PIK3CD: variants seen among roughly 807,000 people sequenced by gnomAD.
PIK3CD encodes phosphatidylinositol-4,5-bisphosphate 3-kinase catalytic subunit delta, also known as phosphatidylinositol 4,5-bisphosphate 3-kinase catalytic subunit delta isoform.
In PIK3CD, 20 loss-of-function variants were observed where a neutral mutation model predicts 122.9. The observed-to-expected ratio is 0.16, with a 90% CI of 0.11 to 0.24. The LOEUF is 0.24. PIK3CD is among the 10% of genes least tolerant of loss of function. PIK3CD has a pLI of 1.00. For synonymous variants in PIK3CD, 596 were observed against 593.4 expected, an observed-to-expected ratio of 1.00 and a Z score of -0.06; for missense variants, 787 against 1,406.3, an observed-to-expected ratio of 0.56 and a Z score of 7.04.
At chr1:9,696,426 G>A in intron 2 of PIK3CD, among the ~76,000 whole-genome samples, 1 of 151,248 alleles carries the variant, frequency 6.6e-6, no homozygotes, top group East Asian at 2.0e-4. Flanking sequence ...ATCTCTACAA[G>A]AAATAATAAT....
At chr1:9,638,107 A>AAAATAAATAAAT in the PIK3CD span, among the ~76,000 whole-genome samples, 588 of 151,664 alleles carry the variant, frequency 3.9e-3, 5 homozygotes, top group African/African-American at 0.013. Context: ...ACTCTGTCTC[A>AAAATAAATAAAT]AAATAAATAA....
At position 9,700,993 on chromosome 1, in the gene PIK3CD, G is replaced by A. The variant is rs1484691363; in HGVS notation, c.-33+9422G>A. Among the ~76,000 whole-genome samples the A allele has an allele frequency of 6.6e-6, 1 of 152,022 alleles. No individual in the cohort carries two copies. Among genetic ancestry groups the A allele is most frequent in the African/African-American group, 2.4e-5 (1 of 41,384 alleles). On this transcript the variant is annotated intron_variant, in intron 2 of 23. Coordinates refer to ENST00000377346, the MANE Select transcript of PIK3CD (RefSeq NM_005026.5). This position sits in a 1 kb window ranked among gnomAD's most constrained non-coding sequence, Gnocchi z 5.1. ...TTAGTGGCACCGGCCTCCTTCCCCTGCCCCCTACTCCCCTTCCTCCCTGCT... is the reference window on the plus strand; with the variant it reads ...TTAGTGGCACCGGCCTCCTTCCCCTACCCCCTACTCCCCTTCCTCCCTGCT...
At chr1:9,690,087 C>T (rs1226811614) in intron 1 of PIK3CD, among the ~76,000 whole-genome samples, 2 of 152,170 alleles carry the variant, frequency 1.3e-5, no homozygotes, top group Non-Finnish European at 2.9e-5. Context: ...GTTTACTTGT[C>T]GGGGACCCAG....
rs1227067335 is a variant in PIK3CD at position 9,726,230 on chromosome 1, CG to C, written c.2998-676del. ...TCTGTCTCAAAAAGAAAAAATTGGC[CG>C]GGCACGATGGCTCAGGCCTGTAAAC... On this transcript the variant is annotated intron_variant, in intron 23 of 23. Transcript: ENST00000377346. Among the ~76,000 whole-genome samples, 8 of 151,692 alleles carry C rather than the reference CG, an allele frequency of 5.3e-5. No individual in the cohort carries two copies. In the South Asian group the frequency reaches 1.2e-3, roughly 24 times the overall value.
upstream of PIK3CD, among the ~76,000 whole-genome samples, chr1:9,651,564 T>C (rs1644670765): frequency 6.6e-6 from 1 of 152,168 alleles, no homozygotes; most frequent in Non-Finnish European, 1.5e-5. Flanking sequence ...GATGCCCCTC[T>C]AGCGGTAGGC....
At position 9,720,151 on chromosome 1, in the gene PIK3CD, G is replaced by T. The variant is rs373779625; in HGVS notation, c.1379G>T (p.Arg460Leu). 2 of 1,613,202 alleles carry T rather than the reference G, an allele frequency of 1.2e-6. No individual in the cohort carries two copies. The highest frequency in any genetic ancestry group is 1.7e-5 in the Admixed American group (1 of 60,024). The change falls in exon 11 of 24, where the codon CGC becomes CTC. Residue 460 changes from arginine (R) to leucine (L), a missense_variant. This residue lies in a region of PIK3CD where 592 missense variants were observed against 920.6 expected (regional missense o/e 0.64). Coordinates refer to ENST00000377346, the MANE Select transcript of PIK3CD (RefSeq NM_005026.5). This position sits in a 1 kb window ranked among gnomAD's most constrained non-coding sequence, Gnocchi z 9.0. ...GELLNPTGTV[R>L]SNPNTDSAAA... is the part of the protein sequence containing the mutation. ...CTGCTGAACCCCACGGGCACTGTGCGCAGTAACCCCAACACGGATAGCGCC... is the reference window on the plus strand; with the variant it reads ...CTGCTGAACCCCACGGGCACTGTGCTCAGTAACCCCAACACGGATAGCGCC...
At chr1:9,681,147 CAG>C (rs376844006) in intron 1 of PIK3CD, 24 of 145,826 alleles carry the variant, frequency 1.6e-4, no homozygotes, top group Admixed American at 3.5e-4. Flanking sequence ...TGGAGAGAGA[CAG>C]AGAGAGAGAG....
the PIK3CD span, among the ~76,000 whole-genome samples, chr1:9,634,980 TG>T: frequency 6.6e-6 from 1 of 152,096 alleles, no homozygotes; most frequent in African/African-American, 2.4e-5. Flanking sequence ...ACATTGAACT[TG>T]GGTGTCCTTA....
chr1:9,691,921 A>G (rs1222101388), intron 2 of PIK3CD: 1 of 186,616 alleles, frequency 5.4e-6, no homozygotes, highest in African/African-American at 2.3e-5. Flanking sequence ...CTGGGGAGAG[A>G]AATATTAAAA....
intron 2 of PIK3CD, among the ~76,000 whole-genome samples, chr1:9,698,620 A>G (rs886774832): frequency 6.6e-5 from 10 of 152,216 alleles, no homozygotes; most frequent in African/African-American, 2.2e-4. Flanking sequence ...ACTTTCACAA[A>G]CAATACCACA....
Position 9,724,703 on chromosome 1 carries a change from G to C in PIK3CD, c.2865-101G>C. The C allele has an allele frequency of 6.8e-6, 10 of 1,471,436 alleles. No homozygotes were observed. Among genetic ancestry groups the C allele is most frequent in the Non-Finnish European group, 9.5e-6 (10 of 1,053,170 alleles). The allele number at this position is 1,471,436 out of a possible 1,614,324, so 91.1% of individuals were successfully genotyped here. A position where few individuals can be genotyped will look rare whatever the true frequency, so the allele number is the denominator to read the frequency against. ...TGTGTCCACCCATTATCAGGGCAAGGGCAGGTGTCCTTGGGGAAGGGGCTG... is the reference window on the plus strand; with the variant it reads ...TGTGTCCACCCATTATCAGGGCAAGCGCAGGTGTCCTTGGGGAAGGGGCTG... On this transcript the variant is annotated intron_variant, in intron 22 of 23. Coordinates refer to ENST00000377346, the MANE Select transcript of PIK3CD (RefSeq NM_005026.5). This position sits in a 1 kb window ranked among gnomAD's most constrained non-coding sequence, Gnocchi z 7.3.
chr1:9,682,420 G>A (rs993233543), intron 1 of PIK3CD, among the ~76,000 whole-genome samples: 1 of 151,118 alleles, frequency 6.6e-6, no homozygotes, highest in African/African-American at 2.4e-5. Flanking sequence ...GTATTTTTAG[G>A]AGAGACGAAG....
At chr1:9,701,554 T>C (rs1203074902) in intron 2 of PIK3CD, among the ~76,000 whole-genome samples, 1 of 151,660 alleles carries the variant, frequency 6.6e-6, no homozygotes, top group Non-Finnish European at 1.5e-5. Context: ...ACACCTGTAA[T>C]TCCACTTACG....
At chr1:9,701,668 C>CA (rs1163030937) in intron 2 of PIK3CD, among the ~76,000 whole-genome samples, 2,074 of 78,586 alleles carry the variant, frequency 0.026, 59 homozygotes, top group African/African-American at 0.075. Flanking sequence ...GACTCTGTCT[C>CA]AAAAAAAAAA....
At chr1:9,653,641 T>G in intron 1 of PIK3CD, 1 of 449,418 alleles carries the variant, frequency 2.2e-6, no homozygotes, top group Non-Finnish European at 4.2e-6. Context: ...ATTTGATTGA[T>G]GTGTTGAGTG....
intron 1 of PIK3CD, among the ~76,000 whole-genome samples, chr1:9,673,608 G>T (rs2101019434): frequency 6.6e-6 from 1 of 151,970 alleles, no homozygotes; most frequent in East Asian, 1.9e-4. Flanking sequence ...TGGCTATGTT[G>T]CCTAGGCTGG....
At chr1:9,636,157 G>A in the PIK3CD span, among the ~76,000 whole-genome samples, 4 of 152,118 alleles carry the variant, frequency 2.6e-5, no homozygotes, top group South Asian at 2.1e-4. Context: ...GCCCATGTGT[G>A]TATGTCACAC....
chr1:9,674,671 C>T (rs543044808), intron 1 of PIK3CD, among the ~76,000 whole-genome samples: 22 of 134,624 alleles, frequency 1.6e-4, no homozygotes, highest in South Asian at 1.4e-3. Context: ...CCAGCCTGGG[C>T]GACAGAGCGA....
chr1:9,659,982 C>A (rs1056958389), intron 1 of PIK3CD, among the ~76,000 whole-genome samples: 5 of 152,174 alleles, frequency 3.3e-5, no homozygotes, highest in African/African-American at 1.2e-4. Context: ...ATGGCGCGAT[C>A]TTGGCTCACC....
Sources: allele counts gnomAD v4.1 joint callset (sites outside exome capture counted in the v4.1 genomes callset), GRCh38; gene constraint gnomAD v4.1.1; regional missense constraint gnomAD v4.1.1; non-coding constraint Gnocchi (gnomAD v3.1); transcripts MANE v1.5; gene names NCBI Gene and HGNC (gene_info 2026-07-23, HGNC 2026-07-21).